Variants in VSIG1 observed in about 807,000 individuals in gnomAD.
The protein encoded by VSIG1 is V-set and immunoglobulin domain-containing protein 1.
VSIG1 carries 11 observed loss-of-function variants against 20.1 expected under a neutral mutation model. That is an observed-to-expected ratio of 0.55 (90% CI 0.34 to 0.91). The LOEUF is 0.91. VSIG1 is among the 40% of genes least tolerant of loss of function. The pLI is 0.02. For missense variants in VSIG1, 283 were observed against 298.8 expected (o/e 0.95, Z 0.39); for synonymous variants, 126 against 116.7 (o/e 1.08, Z -0.52).
At chrX:108,025,157 T>A in the VSIG1 span, among the ~76,000 whole-genome samples, 1 of 112,060 alleles carries the variant, frequency 8.9e-6, no homozygotes, top group Non-Finnish European at 1.9e-5. Flanking sequence ...TGTTTATAAT[T>A]GTTATATAAA....
intron 1 of VSIG1, among the ~76,000 whole-genome samples, chrX:108,053,170 G>T (rs374010257): frequency 8.9e-6 from 1 of 112,235 alleles, no homozygotes; most frequent in East Asian, 2.8e-4. Flanking sequence ...TTCAAACAGA[G>T]AATAAATGAT....
chrX:108,043,840 T>C (rs1319863142), upstream of VSIG1, among the ~76,000 whole-genome samples: 1 of 112,232 alleles, frequency 8.9e-6, no homozygotes, highest in Non-Finnish European at 1.9e-5. Flanking sequence ...TTTGTACACA[T>C]TTCATGTGAC....
upstream of VSIG1, among the ~76,000 whole-genome samples, chrX:108,040,369 G>A (rs921281545): frequency 1.8e-5 from 2 of 111,898 alleles, no homozygotes; most frequent in Non-Finnish European, 1.9e-5. Context: ...GACCACAGAG[G>A]AGGTTTACAG....
At chrX:108,039,315 TG>T in the VSIG1 span, among the ~76,000 whole-genome samples, 1 of 111,831 alleles carries the variant, frequency 8.9e-6, no homozygotes, top group Non-Finnish European at 1.9e-5. Context: ...CCCGAGTAGC[TG>T]TGATTACAGG....
chrX:108,038,763 G>C, the VSIG1 span, among the ~76,000 whole-genome samples: 1 of 112,057 alleles, frequency 8.9e-6, no homozygotes, highest in African/African-American at 3.2e-5. Flanking sequence ...GAGTGCAGGG[G>C]GGAAGTATGC....
chrX:108,051,401 G>A lies in VSIG1; in HGVS notation c.49+6222G>A, dbSNP rs757191207. ...TCAGGCGATATGATCTGGGACAAATGTCAGCCTCAGTGATATCCGATAAAC... is the reference window on the plus strand; with the variant it reads ...TCAGGCGATATGATCTGGGACAAATATCAGCCTCAGTGATATCCGATAAAC... On this transcript the variant is annotated intron_variant, in intron 1 of 6. Transcript: ENST00000217957. Among the ~76,000 whole-genome samples the A allele has an allele frequency of 1.4e-3, 162 of 112,016 alleles. 1 individual carries two copies. Among genetic ancestry groups the A allele is most frequent in the Non-Finnish European group, 2.7e-3 (144 of 53,184 alleles).
At chrX:108,066,098 A>G (rs2031119923) in intron 2 of VSIG1, among the ~76,000 whole-genome samples, 1 of 111,179 alleles carries the variant, frequency 9.0e-6, no homozygotes, top group Admixed American at 9.6e-5. Context: ...CTAAGTATCT[A>G]TGCTCTTTAA....
rs760587939 is a variant in VSIG1, at chrX:108,077,164, A to G, written c.947A>G (p.Gln316Arg). Residue 316 changes from glutamine (Q) to arginine (R), a missense_variant, in exon 7 of 7, where the codon CAA becomes CGA. Transcript: ENST00000217957. ...CATGAGACTGGCCCTGATACCATCC[A>G]AGAACCAGACTATGAGCCAAAGCCT... ...SIHETGPDTI[Q>R]EPDYEPKPTQ... 1.6e-6 allele frequency: 2 copies of G among 1,212,165 alleles called. No homozygotes were observed. The highest frequency in any genetic ancestry group is 1.7e-5 in the African/African-American group (1 of 57,908).
upstream of VSIG1, among the ~76,000 whole-genome samples, chrX:108,040,292 A>G (rs1210708602): frequency 3.6e-5 from 4 of 111,988 alleles, no homozygotes; most frequent in African/African-American, 1.3e-4. Context: ...CATTACAGAA[A>G]TACAAATTAA....
chrX:108,074,689 A>G (rs772765572), intron 5 of VSIG1, among the ~76,000 whole-genome samples: 1 of 112,153 alleles, frequency 8.9e-6, no homozygotes, highest in African/African-American at 3.2e-5. Context: ...TTATGCTTAT[A>G]GAACTGGGAT....
At chrX:108,034,042 C>T in the VSIG1 span, among the ~76,000 whole-genome samples, 1 of 110,757 alleles carries the variant, frequency 9.0e-6, no homozygotes. Flanking sequence ...TTGCTAATCT[C>T]AGCTCTGGCC....
the VSIG1 span, among the ~76,000 whole-genome samples, chrX:108,025,822 C>T: frequency 8.9e-6 from 1 of 112,465 alleles, no homozygotes; most frequent in African/African-American, 3.2e-5. Context: ...ATCTCTGTCA[C>T]AAGGAAGGCT....
chrX:108,032,001 G>A, the VSIG1 span, among the ~76,000 whole-genome samples: 4 of 111,998 alleles, frequency 3.6e-5, no homozygotes, highest in East Asian at 1.1e-3. Flanking sequence ...GCCCAGAGGA[G>A]CCTTTTTCTT....
chrX:108,069,774 A>AGT (rs1305898697), intron 3 of VSIG1, among the ~76,000 whole-genome samples: 1 of 112,009 alleles, frequency 8.9e-6, no homozygotes, highest in Non-Finnish European at 1.9e-5. Flanking sequence ...TCTAAAATTC[A>AGT]GTCTAGTGAA....
At position 108,058,157 on chromosome X, in the gene VSIG1, A is replaced by C; in HGVS notation, c.169A>C (p.Ile57Leu). 1 of 1,210,456 alleles carries C rather than the reference A, an allele frequency of 8.3e-7. No individual in the cohort carries two copies. Among genetic ancestry groups the C allele is most frequent in the Non-Finnish European group, 1.1e-6 (1 of 894,910 alleles). ...TTVASREQLS[I>L]QWSFFHKKEM... Reference sequence around the variant, plus strand: ...TGTGGCCTCCCGAGAACAGCTTTCCATCCAGTGGTCTTTCTTCCATAAGAA... The same window carrying C: ...TGTGGCCTCCCGAGAACAGCTTTCCCTCCAGTGGTCTTTCTTCCATAAGAA... The change falls in exon 2 of 7, where the codon ATC (isoleucine) becomes CTC (leucine). Residue 57 changes from isoleucine (I) to leucine (L), a missense_variant. Physicochemically the swap from Ile to Leu is conservative, Grantham distance 5. Coordinates refer to ENST00000217957, the MANE Select transcript of VSIG1 (RefSeq NM_182607.5).
intron 2 of VSIG1, among the ~76,000 whole-genome samples, chrX:108,060,562 C>T (rs1329736199): frequency 9.0e-6 from 1 of 111,547 alleles, no homozygotes; most frequent in Non-Finnish European, 1.9e-5. Context: ...CCCCTGACTC[C>T]CCATATCCTG....
At chrX:108,049,777 G>A (rs1190323334) in intron 1 of VSIG1, among the ~76,000 whole-genome samples, 5 of 111,961 alleles carry the variant, frequency 4.5e-5, no homozygotes, top group Non-Finnish European at 7.5e-5. Context: ...AAGACATTTG[G>A]AAGTCATCAT....
the VSIG1 span, among the ~76,000 whole-genome samples, chrX:108,031,651 G>A: frequency 8.9e-6 from 1 of 111,821 alleles, no homozygotes; most frequent in Non-Finnish European, 1.9e-5. Flanking sequence ...TTAAAATATT[G>A]GCCACCAAAT....
At chrX:108,051,823 C>T (rs1569288353) in intron 1 of VSIG1, among the ~76,000 whole-genome samples, 1 of 111,974 alleles carries the variant, frequency 8.9e-6, no homozygotes, top group Non-Finnish European at 1.9e-5. Context: ...GAAGGAAATT[C>T]TGTCATTTGC....
Sources: allele counts gnomAD v4.1 joint callset (sites outside exome capture counted in the v4.1 genomes callset), GRCh38; gene constraint gnomAD v4.1.1; transcripts MANE v1.5; gene names NCBI Gene and HGNC (gene_info 2026-07-23, HGNC 2026-07-21).